Variants in RAD51B observed in about 807,000 individuals in gnomAD.
RAD51B encodes the protein DNA repair protein RAD51 homolog 2.
RAD51B carries 38 observed loss-of-function variants against 42.2 expected under a neutral mutation model. The observed-to-expected ratio is 0.90, with a 90% CI of 0.70 to 1.18. RAD51B has a LOEUF of 1.18. Ranked by LOEUF, RAD51B falls within the 50% of genes most tolerant of loss-of-function variation. The pLI, the probability that RAD51B is intolerant of heterozygous loss-of-function variation, is 0.00. For synonymous variants in RAD51B, 154 were observed against 145.2 expected, an observed-to-expected ratio of 1.06 and a Z score of -0.43; for missense variants, 373 against 400.7, an observed-to-expected ratio of 0.93 and a Z score of 0.59.
Position 68,445,163 on chromosome 14 carries a change from CTGAAGAGTT to C in RAD51B, c.958-23008_958-23000del, listed in dbSNP as rs1282772662. Among the ~76,000 whole-genome samples, 10 of 152,268 alleles carry C rather than the reference CTGAAGAGTT, an allele frequency of 6.6e-5. 1 individual carries two copies. The South Asian group carries it at 2.1e-3, about 32-fold the overall frequency. ...CCCACATTCACACTCTGCTTGCAGG[CTGAAGAGTT>C]AGCCCACAAGGCTTTCAACAAAGGG... On this transcript the variant is annotated intron_variant, in intron 9 of 10. Transcript: ENST00000471583.
At chr14:68,039,426 CAAAAAAAAAAAA>C (rs754840073) in intron 7 of RAD51B, among the ~76,000 whole-genome samples, 1 of 63,828 alleles carries the variant, frequency 1.6e-5, no homozygotes, top group Non-Finnish European at 3.6e-5. Flanking sequence ...GACTTCATTC[CAAAAAAAAAAAA>C]AAAAAAAAAG....
At chr14:68,146,824 T>G (rs2078262384) in intron 7 of RAD51B, among the ~76,000 whole-genome samples, 1 of 152,104 alleles carries the variant, frequency 6.6e-6, no homozygotes, top group Admixed American at 6.6e-5. Flanking sequence ...ATAGCAGTGT[T>G]GGGAGGGGGT....
intron 7 of RAD51B, among the ~76,000 whole-genome samples, chr14:68,252,234 G>C (rs904493255): frequency 6.6e-6 from 1 of 152,096 alleles, no homozygotes; most frequent in Non-Finnish European, 1.5e-5. Context: ...GAATGATTAC[G>C]TTCTGATTGT....
At chr14:68,471,697 A>G (rs957591448) in intron 10 of RAD51B, among the ~76,000 whole-genome samples, 16 of 151,082 alleles carry the variant, frequency 1.1e-4, no homozygotes, top group African/African-American at 3.9e-4. Context: ...CTTTTGCAAA[A>G]AAAAAAAAAA....
At chr14:68,394,946 G>GC (rs1465823813) in intron 8 of RAD51B, among the ~76,000 whole-genome samples, 1 of 152,028 alleles carries the variant, frequency 6.6e-6, no homozygotes, top group African/African-American at 2.4e-5. Flanking sequence ...CAGCGCCAGT[G>GC]CCCCAGTGAG....
intron 7 of RAD51B, among the ~76,000 whole-genome samples, chr14:67,995,386 A>AAACAAC (rs201556258): frequency 5.2e-4 from 77 of 146,766 alleles, no homozygotes; most frequent in East Asian, 2.8e-3. Flanking sequence ...TCCATCTCAA[A>AAACAAC]AACAACAACA....
chr14:68,551,170 C>T (rs544630012), intron 10 of RAD51B, among the ~76,000 whole-genome samples: 8 of 152,284 alleles, frequency 5.3e-5, no homozygotes, highest in Non-Finnish European at 1.0e-4. Flanking sequence ...GCTCTCCCCA[C>T]ACGGCTGCTG....
intron 7 of RAD51B, among the ~76,000 whole-genome samples, chr14:68,031,490 A>G (rs1322318529): frequency 6.6e-6 from 1 of 152,232 alleles, no homozygotes; most frequent in Non-Finnish European, 1.5e-5. Context: ...TGTGAAAATT[A>G]CCAGAATGTA....
intron 7 of RAD51B, among the ~76,000 whole-genome samples, chr14:68,030,555 T>A (rs922727429): frequency 2.0e-5 from 3 of 152,212 alleles, no homozygotes; most frequent in African/African-American, 7.2e-5. Flanking sequence ...TGAAGACAGT[T>A]ATGGACTTGC....
intron 8 of RAD51B, among the ~76,000 whole-genome samples, chr14:68,355,444 A>T (rs1420465298): frequency 6.6e-6 from 1 of 152,292 alleles, no homozygotes; most frequent in East Asian, 1.9e-4. Flanking sequence ...TTTTGGGTCT[A>T]TTAGATTCTC....
intron 10 of RAD51B, among the ~76,000 whole-genome samples, chr14:68,484,813 A>G (rs1883500915): frequency 6.6e-6 from 1 of 152,038 alleles, no homozygotes; most frequent in African/African-American, 2.4e-5. Context: ...TTTTCTTTAC[A>G]TGTCTGCCCA....
At chr14:67,869,146 G>A (rs1488666394) in intron 5 of RAD51B, among the ~76,000 whole-genome samples, 2 of 152,124 alleles carry the variant, frequency 1.3e-5, no homozygotes, top group African/African-American at 2.4e-5. Context: ...CCGAGCTACG[G>A]GAGGACATTC....
chr14:68,267,699 T>G (rs2081019924), intron 7 of RAD51B, among the ~76,000 whole-genome samples: 1 of 152,224 alleles, frequency 6.6e-6, no homozygotes. Flanking sequence ...CATAACTTCA[T>G]TTTATGTCTC....
Position 68,260,762 on chromosome 14 carries a change from C to T in RAD51B, c.757-31122C>T, listed in dbSNP as rs540668695. 1.1e-3 allele frequency among the ~76,000 whole-genome samples: 173 copies of T among 152,268 alleles called. 1 individual carries two copies. The highest frequency in any genetic ancestry group is 1.9e-3 in the Non-Finnish European group (126 of 68,018). On this transcript the variant is annotated intron_variant, in intron 7 of 10. Coordinates refer to ENST00000471583, the MANE Select transcript of RAD51B (RefSeq NM_133510.4). ...ACTTCCTTCAGCTTAATACTCAGTG[C>T]GCCAAGCTTCCATATTTGGGGGTAG...
chr14:67,963,877 G>T (rs575160160), intron 7 of RAD51B, among the ~76,000 whole-genome samples: 1 of 150,642 alleles, frequency 6.6e-6, no homozygotes. Context: ...AAAAAAAATC[G>T]GTAACAGACA....
At chr14:68,411,946 ATAAAT>A (rs933170792) in intron 9 of RAD51B, among the ~76,000 whole-genome samples, 1 of 152,188 alleles carries the variant, frequency 6.6e-6, no homozygotes, top group African/African-American at 2.4e-5. Flanking sequence ...TGCCAAGTGA[ATAAAT>A]TATTCCCCAG....
At chr14:67,861,950 A>T (rs980144686) in intron 4 of RAD51B, among the ~76,000 whole-genome samples, 3 of 151,756 alleles carry the variant, frequency 2.0e-5, no homozygotes, top group Non-Finnish European at 2.9e-5. Context: ...CTCTTCAAAA[A>T]TGTTACAAAT....
chr14:68,525,520 C>T (rs189470080), intron 10 of RAD51B, among the ~76,000 whole-genome samples: 31 of 152,350 alleles, frequency 2.0e-4, no homozygotes, highest in Non-Finnish European at 1.5e-5. Context: ...ATCCTTCCCA[C>T]TGACCATCTG....
intron 7 of RAD51B, among the ~76,000 whole-genome samples, chr14:68,269,866 T>C (rs892260996): frequency 1.3e-5 from 2 of 152,198 alleles, no homozygotes; most frequent in African/African-American, 2.4e-5. Context: ...GCGGAATCTG[T>C]ACCATGAAAA....
Sources: allele counts gnomAD v4.1 joint callset (sites outside exome capture counted in the v4.1 genomes callset), GRCh38; gene constraint gnomAD v4.1.1; transcripts MANE v1.5; gene names NCBI Gene and HGNC (gene_info 2026-07-23, HGNC 2026-07-21).